The following KCNMA1 variants were observed in gnomAD, a reference collection of about 807,000 sequenced individuals.
KCNMA1 encodes the protein potassium calcium-activated channel subfamily M alpha 1.
A neutral mutation model predicts 140.0 loss-of-function variants in KCNMA1; 29 were observed. That is an observed-to-expected ratio of 0.21 (90% confidence interval 0.15 to 0.28). The LOEUF (loss-of-function observed/expected upper bound fraction) is 0.28. Among genes scored for constraint, KCNMA1 ranks in the 10% least tolerant of loss-of-function variants. The probability of loss-of-function intolerance (pLI) is 1.00; values close to 1 mark genes in which losing one functional copy is unlikely to be tolerated. For synonymous variants in KCNMA1, 612 were observed against 611.9 expected (o/e 1.00, Z 0.00); for missense variants, 880 against 1,602.2 (o/e 0.55, Z 7.70).
Position 76,914,965 on chromosome 10 carries a change from C to T in KCNMA1, c.2987G>A (p.Gly996Glu). The change falls in exon 24 of 28, where the codon GGG becomes GAG. Residue 996 changes from glycine to glutamate, a missense_variant. This residue lies in a region of KCNMA1 where 44 missense variants were observed against 58.2 expected (regional missense o/e 0.76). Transcript: ENST00000286628. ...TTCAGTGATGATGGGGATGTTGACC[C>T]CAGTTGTGATGGATGGTTGACGTAA... ...GMLRQPSITT[G>E]VNIPIITELV... 3 of 1,613,432 alleles carry T rather than the reference C, an allele frequency of 1.9e-6. No individual in the cohort carries two copies. Among genetic ancestry groups the T allele is most frequent in the Admixed American group, 1.7e-5 (1 of 59,996 alleles).
intron 1 of KCNMA1, among the ~76,000 whole-genome samples, chr10:77,469,035 C>A (rs1334264359): frequency 6.6e-6 from 1 of 152,168 alleles, no homozygotes; most frequent in African/African-American, 2.4e-5. Context: ...CCGACCACTT[C>A]GCCCCAAGCA....
chr10:77,454,503 A>C (rs1358065254), intron 1 of KCNMA1, among the ~76,000 whole-genome samples: 1 of 152,190 alleles, frequency 6.6e-6, no homozygotes, highest in African/African-American at 2.4e-5. Flanking sequence ...TAATTTTACA[A>C]ATGTCTGTGG....
intron 3 of KCNMA1, among the ~76,000 whole-genome samples, chr10:77,225,298 TC>T (rs2050954619): frequency 1.3e-5 from 2 of 152,132 alleles, no homozygotes; most frequent in Admixed American, 6.5e-5. Flanking sequence ...CACATCCATT[TC>T]CTCTTGGGCT....
chr10:76,891,049 T>G (rs1307919630), intron 26 of KCNMA1, among the ~76,000 whole-genome samples: 1 of 152,204 alleles, frequency 6.6e-6, no homozygotes, highest in African/African-American at 2.4e-5. Flanking sequence ...GCTGGCCACC[T>G]CCATGTGCTA....
At chr10:77,408,100 A>G (rs2096530393) in intron 1 of KCNMA1, among the ~76,000 whole-genome samples, 2 of 151,936 alleles carry the variant, frequency 1.3e-5, no homozygotes, top group African/African-American at 2.4e-5. Context: ...GACATCTCAG[A>G]CCCCTTCTGA....
chr10:77,072,268 G>A (rs1448609699), intron 14 of KCNMA1, among the ~76,000 whole-genome samples: 2 of 152,204 alleles, frequency 1.3e-5, no homozygotes, highest in Non-Finnish European at 2.9e-5. Flanking sequence ...ACACGGGTTT[G>A]TCACCTTGAC....
At chr10:76,914,211 A>C in intron 24 of KCNMA1, 1 of 1,115,960 alleles carries the variant, frequency 9.0e-7, no homozygotes, top group South Asian at 1.4e-5. Context: ...GAGTGAGGGA[A>C]TAACAGAGGA....
intron 1 of KCNMA1, among the ~76,000 whole-genome samples, chr10:77,633,131 G>A (rs985179657): frequency 2.6e-5 from 4 of 152,092 alleles, no homozygotes; most frequent in Non-Finnish European, 5.9e-5. Context: ...CCTGGCCAAT[G>A]TGGTGAAACC....
At chr10:76,959,241 C>A (rs907531858) in intron 20 of KCNMA1, among the ~76,000 whole-genome samples, 2 of 152,166 alleles carry the variant, frequency 1.3e-5, no homozygotes, top group African/African-American at 4.8e-5. Flanking sequence ...TGAACACTAG[C>A]CAGCTAATTT....
intron 1 of KCNMA1, among the ~76,000 whole-genome samples, chr10:77,628,157 GGCA>G (rs2092766063): frequency 6.6e-6 from 1 of 152,150 alleles, no homozygotes; most frequent in Non-Finnish European, 1.5e-5. Flanking sequence ...TGCACATACA[GGCA>G]GCCCAACAGC....
At chr10:77,041,814 G>A (rs1416143858) in intron 14 of KCNMA1, among the ~76,000 whole-genome samples, 2 of 152,110 alleles carry the variant, frequency 1.3e-5, no homozygotes, top group Non-Finnish European at 2.9e-5. Flanking sequence ...TCTTTAGAAC[G>A]GCTTGTGCTT....
intron 23 of KCNMA1, among the ~76,000 whole-genome samples, chr10:76,938,306 C>T (rs2061095177): frequency 6.6e-6 from 1 of 152,178 alleles, no homozygotes; most frequent in South Asian, 2.1e-4. Context: ...AAAACCCAAT[C>T]CTCCCAACAC....
At chr10:76,938,245 TCATGC>T (rs1166807404) in intron 23 of KCNMA1, among the ~76,000 whole-genome samples, 5 of 152,314 alleles carry the variant, frequency 3.3e-5, no homozygotes, top group African/African-American at 9.6e-5. Flanking sequence ...CTTCAGCTTT[TCATGC>T]CCATCTGGAT....
chr10:77,395,308 C>A (rs1415121304), intron 2 of KCNMA1, among the ~76,000 whole-genome samples: 3 of 152,046 alleles, frequency 2.0e-5, no homozygotes, highest in African/African-American at 7.2e-5. Context: ...TATGATTGCA[C>A]CAATGCACTC....
intron 19 of KCNMA1, among the ~76,000 whole-genome samples, chr10:76,986,907 C>A (rs913222419): frequency 1.3e-5 from 2 of 152,244 alleles, no homozygotes; most frequent in South Asian, 4.2e-4. Flanking sequence ...AAATGTGTTA[C>A]CTTCAGAAGA....
intron 2 of KCNMA1, among the ~76,000 whole-genome samples, chr10:77,330,011 ATTG>A (rs1176178698): frequency 1.3e-5 from 2 of 152,118 alleles, no homozygotes; most frequent in African/African-American, 4.8e-5. Flanking sequence ...TGTTATTATT[ATTG>A]TTGTTGTTCC....
chr10:77,008,238 C>T, intron 18 of KCNMA1: 1 of 1,516,016 alleles, frequency 6.6e-7, no homozygotes, highest in Non-Finnish European at 8.8e-7. Flanking sequence ...TATTCCAAGG[C>T]AGCAAAGAGA....
intron 3 of KCNMA1, among the ~76,000 whole-genome samples, chr10:77,229,845 T>C (rs2052972064): frequency 6.6e-6 from 1 of 152,082 alleles, no homozygotes; most frequent in East Asian, 1.9e-4. Flanking sequence ...ATGTTGTTGG[T>C]GGAAATGTAA....
intron 23 of KCNMA1, among the ~76,000 whole-genome samples, chr10:76,919,893 TA>T (rs1437388704): frequency 3.3e-5 from 5 of 151,150 alleles, no homozygotes; most frequent in African/African-American, 4.9e-5. Flanking sequence ...TCCCTATGGA[TA>T]AAGAACTGAA....
Sources: allele counts gnomAD v4.1 joint callset (sites outside exome capture counted in the v4.1 genomes callset), GRCh38; gene constraint gnomAD v4.1.1; regional missense constraint gnomAD v4.1.1; transcripts MANE v1.5; gene names NCBI Gene and HGNC (gene_info 2026-07-23, HGNC 2026-07-21).